Variants in HIVEP3 observed in about 807,000 individuals in gnomAD.
HIVEP3 encodes transcription factor HIVEP3.
In HIVEP3, 49 loss-of-function variants were observed where a neutral mutation model predicts 152.8. The ratio of observed to expected loss-of-function variants is 0.32; its 90% CI spans 0.26 to 0.41. The LOEUF is 0.41. Ranked by LOEUF, HIVEP3 falls within the 10% of genes least tolerant of loss-of-function variation. The probability of loss-of-function intolerance (pLI) is 1.00; values close to 1 mark genes in which losing one functional copy is unlikely to be tolerated. For missense variants in HIVEP3, 2,790 were observed against 3,103.3 expected, an observed-to-expected ratio of 0.90 and a Z score of 2.40; for synonymous variants, 1,269 against 1,289.0, an observed-to-expected ratio of 0.98 and a Z score of 0.33.
At chr1:41,514,187 T>C (rs1394390759) in intron 7 of HIVEP3, among the ~76,000 whole-genome samples, 1 of 152,140 alleles carries the variant, frequency 6.6e-6, no homozygotes, top group Non-Finnish European at 1.5e-5. Flanking sequence ...TTCACTAGCA[T>C]CTCAGTGCTG....
chr1:41,567,507 G>T (rs549031499), intron 5 of HIVEP3, among the ~76,000 whole-genome samples: 2 of 152,228 alleles, frequency 1.3e-5, no homozygotes, highest in Non-Finnish European at 2.9e-5. Flanking sequence ...GCTCAGAGCT[G>T]CACATCTACA....
intron 1 of HIVEP3, among the ~76,000 whole-genome samples, chr1:41,941,253 T>G (rs76932199): frequency 0.011 from 1,634 of 152,266 alleles, 30 homozygotes; most frequent in African/African-American, 0.038. Context: ...GAGGTGGTTT[T>G]TAAAAAGACA....
At chr1:41,556,750 A>T (rs1263639668) in intron 5 of HIVEP3, among the ~76,000 whole-genome samples, 1 of 152,184 alleles carries the variant, frequency 6.6e-6, no homozygotes, top group Admixed American at 6.5e-5. Flanking sequence ...TTCTCCTAAG[A>T]GTTTTATTAT....
intron 1 of HIVEP3, among the ~76,000 whole-genome samples, chr1:42,023,208 T>C (rs930466064): frequency 4.6e-5 from 7 of 152,140 alleles, no homozygotes; most frequent in African/African-American, 9.7e-5. Context: ...GGTTTCACCA[T>C]GCTGACCAGG....
At chr1:42,006,767 A>C (rs1375701296) in intron 1 of HIVEP3, among the ~76,000 whole-genome samples, 1 of 152,218 alleles carries the variant, frequency 6.6e-6, no homozygotes, top group African/African-American at 2.4e-5. Flanking sequence ...GGCAAATTGC[A>C]TCTTAGTATT....
intron 1 of HIVEP3, among the ~76,000 whole-genome samples, chr1:41,766,945 C>T (rs1469485217): frequency 6.6e-6 from 1 of 152,186 alleles, no homozygotes; most frequent in African/African-American, 2.4e-5. Context: ...AGGAAAGACT[C>T]CCCAAAATTG....
At chr1:41,824,910 G>A (rs1415433917) in intron 1 of HIVEP3, among the ~76,000 whole-genome samples, 2 of 151,052 alleles carry the variant, frequency 1.3e-5, no homozygotes, top group African/African-American at 2.4e-5. Flanking sequence ...TTTTGCTCTT[G>A]TTGCACAGGC....
chr1:41,744,188 G>A (rs1257008011), intron 1 of HIVEP3, among the ~76,000 whole-genome samples: 1 of 152,106 alleles, frequency 6.6e-6, no homozygotes, highest in Non-Finnish European at 1.5e-5. Flanking sequence ...ACAGGCGCCT[G>A]CCACCACGCC....
intron 1 of HIVEP3, among the ~76,000 whole-genome samples, chr1:41,992,531 C>T (rs1570875053): frequency 6.7e-6 from 1 of 148,378 alleles, no homozygotes; most frequent in Admixed American, 6.7e-5. Context: ...ATTCCATGCT[C>T]ATGGGTAGGA....
intron 2 of HIVEP3, among the ~76,000 whole-genome samples, chr1:41,673,718 A>G (rs1373499865): frequency 6.6e-6 from 1 of 152,182 alleles, no homozygotes; most frequent in Admixed American, 6.5e-5. Flanking sequence ...AAGTATGAAT[A>G]AATCAAGTTT....
intron 1 of HIVEP3, among the ~76,000 whole-genome samples, chr1:41,988,763 C>T (rs1231837499): frequency 6.6e-6 from 1 of 152,202 alleles, no homozygotes; most frequent in Non-Finnish European, 1.5e-5. Flanking sequence ...ATATATGCAA[C>T]TCCCATGTTC....
chr1:41,876,032 A>G (rs527342935), intron 1 of HIVEP3, among the ~76,000 whole-genome samples: 1 of 152,108 alleles, frequency 6.6e-6, no homozygotes, highest in African/African-American at 2.4e-5. Context: ...GGGTTCCTAT[A>G]AAGTGGACAA....
Position 42,003,524 on chromosome 1 carries a change from CAG to C in HIVEP3, n.119+32281_119+32282del, listed in dbSNP as rs1230437288. On this transcript the variant is annotated intron_variant and non_coding_transcript_variant, in intron 1 of 3. Coordinates refer to the HIVEP3 transcript ENST00000489103. Reference sequence around the variant, plus strand: ...GTCCGTGCACATCGAAGTCGACTGACAGAGCCAGAAGGGAGAACAGTGGCGAC... The same window carrying C: ...GTCCGTGCACATCGAAGTCGACTGACAGCCAGAAGGGAGAACAGTGGCGAC... Among the ~76,000 whole-genome samples the C allele has an allele frequency of 1.2e-4, 18 of 152,318 alleles. No homozygotes were observed. In the East Asian group the frequency reaches 3.5e-3, roughly 29 times the overall value.
intron 3 of HIVEP3, among the ~76,000 whole-genome samples, chr1:41,616,620 CTTTT>C (rs34266558): frequency 1.8e-5 from 2 of 112,466 alleles, no homozygotes; most frequent in African/African-American, 3.5e-5. Flanking sequence ...GATGGGGAGC[CTTTT>C]TTTTTTTTTT....
chr1:41,638,323 A>G (rs1645313640), intron 2 of HIVEP3, among the ~76,000 whole-genome samples: 59 of 43,618 alleles, frequency 1.4e-3, no homozygotes, highest in Non-Finnish European at 2.8e-3. Flanking sequence ...AAAAGGAAAG[A>G]AAGAAAGAAA....
At chr1:41,578,975 T>C (rs1569979727) in intron 4 of HIVEP3, among the ~76,000 whole-genome samples, 1 of 152,228 alleles carries the variant, frequency 6.6e-6, no homozygotes, top group Admixed American at 6.5e-5. Context: ...GGTATGGTGG[T>C]GGCTTTTGTC....
At chr1:41,527,567 TCACACTC>T (rs1643033102) in intron 5 of HIVEP3, among the ~76,000 whole-genome samples, 1 of 123,608 alleles carries the variant, frequency 8.1e-6, no homozygotes, top group African/African-American at 3.2e-5. Context: ...TCACACTCTT[TCACACTC>T]CACACTCAAG....
At chr1:41,747,377 C>T (rs1386592835) in intron 1 of HIVEP3, among the ~76,000 whole-genome samples, 1 of 152,222 alleles carries the variant, frequency 6.6e-6, no homozygotes, top group Non-Finnish European at 1.5e-5. Flanking sequence ...TCACCCAGGA[C>T]CCAATCTGGC....
chr1:41,701,109 C>T (rs2124128427), intron 1 of HIVEP3, 114 bp from the exon 2 acceptor site: 1 of 243,698 alleles, frequency 4.1e-6, no homozygotes, highest in East Asian at 1.8e-4. Context: ...AAGCAAAGCC[C>T]CGGCCACTAC....
Sources: allele counts gnomAD v4.1 joint callset (sites outside exome capture counted in the v4.1 genomes callset), GRCh38; gene constraint gnomAD v4.1.1; transcripts MANE v1.5; gene names NCBI Gene and HGNC (gene_info 2026-07-23, HGNC 2026-07-21).